The following IL17RB variants were observed in gnomAD, a reference collection of about 807,000 sequenced individuals.
The protein encoded by IL17RB is interleukin 17 receptor B.
In IL17RB, 36 loss-of-function variants were observed where a neutral mutation model predicts 43.9. The observed-to-expected ratio is 0.82, with a 90% CI of 0.63 to 1.08. IL17RB has a LOEUF of 1.08. Among genes scored for constraint, IL17RB ranks in the 50% least tolerant of loss-of-function variants. IL17RB has a pLI of 0.00. For missense variants in IL17RB, 613 were observed against 613.6 expected, an observed-to-expected ratio of 1.00 and a Z score of 0.01; for synonymous variants, 225 against 225.4, an observed-to-expected ratio of 1.00 and a Z score of 0.02.
chr3:53,850,841 G>A (rs997235780), intron 3 of IL17RB, among the ~76,000 whole-genome samples: 2 of 152,046 alleles, frequency 1.3e-5, no homozygotes, highest in Admixed American at 6.6e-5. Context: ...TCAGGGTAGT[G>A]GTTCCTGCTG....
rs951895189 is a variant in IL17RB at position 53,851,260 on chromosome 3, G to C, written c.227-739G>C. On this transcript the variant is annotated intron_variant, in intron 3 of 10. Transcript: ENST00000288167. Reference sequence around the variant, plus strand: ...ATGAGTGCCAGGCACAGAGAGAGGAGTCACCTACAGTCTCCACCCAGGAGG... The same window carrying C: ...ATGAGTGCCAGGCACAGAGAGAGGACTCACCTACAGTCTCCACCCAGGAGG... 5.1e-4 allele frequency among the ~76,000 whole-genome samples: 78 copies of C among 152,274 alleles called. 2 individuals are homozygous for C. Among genetic ancestry groups the C allele is most frequent in the South Asian group, 6.2e-4 (3 of 4,816 alleles).
intron 10 of IL17RB, among the ~76,000 whole-genome samples, chr3:53,863,026 A>G (rs923499513): frequency 3.3e-5 from 5 of 152,202 alleles, no homozygotes; most frequent in East Asian, 1.9e-4. Context: ...TGACAAGAAT[A>G]AAGACCTTTC....
intron 3 of IL17RB, among the ~76,000 whole-genome samples, chr3:53,850,902 T>C (rs1159222886): frequency 1.3e-5 from 2 of 152,222 alleles, no homozygotes; most frequent in Non-Finnish European, 2.9e-5. Flanking sequence ...AGGGAGTTTC[T>C]TAACCTGCAT....
Position 53,865,084 on chromosome 3 carries a change from C to A in IL17RB, c.1285C>A (p.Leu429Ile). 1 of 1,614,102 alleles carries A rather than the reference C, an allele frequency of 6.2e-7. No homozygotes were observed. Among genetic ancestry groups the A allele is most frequent in the Non-Finnish European group, 8.5e-7 (1 of 1,179,948 alleles). The change falls in exon 11 of 11, where the codon CTT becomes ATT. Residue 429 changes from leucine (L) to isoleucine (I), a missense_variant. Leu to Ile is a conservative substitution (Grantham distance 5). Transcript: ENST00000288167. Reference sequence around the variant, plus strand: ...AGACCTCTTCCCCCTTGCCTTTAACCTTTTCTGCAGTGATCTAAGAAGCCA... The same window carrying A: ...AGACCTCTTCCCCCTTGCCTTTAACATTTTCTGCAGTGATCTAAGAAGCCA... ...SQDLFPLAFN[L>I]FCSDLRSQIH...
intron 10 of IL17RB, among the ~76,000 whole-genome samples, chr3:53,862,892 G>T (rs1474432231): frequency 6.6e-6 from 1 of 152,174 alleles, no homozygotes; most frequent in African/African-American, 2.4e-5. Flanking sequence ...ATGTCTTTCT[G>T]TAAAGTTACA....
Position 53,864,761 on chromosome 3 carries a change from C to T in IL17RB, c.962C>T (p.Thr321Ile). 1 of 1,608,002 alleles carries T rather than the reference C, an allele frequency of 6.2e-7. No homozygotes were observed. Among genetic ancestry groups the T allele is most frequent in the Non-Finnish European group, 8.5e-7 (1 of 1,177,228 alleles). The part of the protein sequence containing the change: ...LMWRHERIKK[T>I]SFSTTTLLPP... ...CCTCTCACAGAAAGGATCAAGAAGA[C>T]TTCCTTTTCTACCACCACACTACTG... The change falls in exon 11 of 11, where the codon ACT (threonine) becomes ATT (isoleucine). Residue 321 changes from threonine to isoleucine, a missense_variant. Transcript: ENST00000288167.
intron 7 of IL17RB, 80 bp downstream of exon 7, chr3:53,857,066 C>A: frequency 6.8e-7 from 1 of 1,463,992 alleles, no homozygotes; most frequent in Non-Finnish European, 9.5e-7. Context: ...CAGTGTTGTC[C>A]AAACGTGCTG....
intron 5 of IL17RB, 27 bp from the exon 6 acceptor site, chr3:53,855,267 T>C (rs1398287136): frequency 1.3e-6 from 2 of 1,556,250 alleles, no homozygotes; most frequent in Admixed American, 3.4e-5. Flanking sequence ...TTTTCTAAAA[T>C]GTAAAAACTT....
chr3:53,862,707 C>T (rs1313308811), intron 10 of IL17RB, among the ~76,000 whole-genome samples: 2 of 152,116 alleles, frequency 1.3e-5, no homozygotes, highest in Admixed American at 6.5e-5. Flanking sequence ...GAAAACAAAT[C>T]GACATTAAAC....
Position 53,846,622 on chromosome 3 carries a change from T to TGCAGGC in IL17RB, c.39_40insCGCAGG (p.Arg13_Ser14insArgArg). The stretch of plus-strand genomic sequence containing the variant: ...CGTGCTGCTAAGCCTGGCCGCGCTG[T>TGCAGGC]GCAGGAGCGCCGTACCCCGAGAGCC... On this transcript the variant is annotated inframe_insertion, in exon 1 of 11. Coordinates refer to ENST00000288167, the MANE Select transcript of IL17RB (RefSeq NM_018725.4). The TGCAGGC allele has an allele frequency of 1.3e-6, 2 of 1,593,772 alleles. No individual in the cohort carries two copies. The highest frequency in any genetic ancestry group is 8.5e-7 in the Non-Finnish European group (1 of 1,173,326).
At chr3:53,846,677 A>G in intron 1 of IL17RB, 29 bp downstream of exon 1, 1 of 1,568,784 alleles carries the variant, frequency 6.4e-7, no homozygotes. Context: ...CTCTTCCCTC[A>G]TCTCCCGGCC....
chr3:53,860,648 G>A (rs1699530562), intron 10 of IL17RB: 1 of 153,016 alleles, frequency 6.5e-6, no homozygotes, highest in Admixed American at 6.5e-5. Context: ...GGTTTGGACT[G>A]CGCAGAGCCA....
chr3:53,862,044 A>G (rs1416166801), intron 10 of IL17RB, among the ~76,000 whole-genome samples: 1 of 152,188 alleles, frequency 6.6e-6, no homozygotes, highest in Non-Finnish European at 1.5e-5. Context: ...TTTTGGTTGT[A>G]CAATAAGAAG....
Position 53,864,842 on chromosome 3 carries a change from TTTG to T in IL17RB, c.1046_1048del (p.Cys349del). 1 of 1,614,146 alleles carries T rather than the reference TTTG, an allele frequency of 6.2e-7. No individual in the cohort carries two copies. Among genetic ancestry groups the T allele is most frequent in the Non-Finnish European group, 8.5e-7 (1 of 1,179,964 alleles). On this transcript the variant is annotated inframe_deletion, in exon 11 of 11. Coordinates refer to ENST00000288167, the MANE Select transcript of IL17RB (RefSeq NM_018725.4). ...TCTGAAATATGTTTCCATCACACAA[TTTG>T]TTACTTCACTGAATTTCTTCAAAAC...
Position 53,855,339 on chromosome 3 carries a change from C to T in IL17RB, c.527C>T (p.Ala176Val), listed in dbSNP as rs1298426755. 2 of 1,599,558 alleles carry T rather than the reference C, an allele frequency of 1.3e-6. No homozygotes were observed. The highest frequency in any genetic ancestry group is 2.2e-5 in the South Asian group (2 of 90,382). ...AAATATAAAAAAAAGTGTGTCAAGG[C>T]CGGTAAGTAAATACGGCATTTGCTT... Reference protein sequence around the residue: ...IMKYKKKCVKAGSLWDPNITA... With the variant: ...IMKYKKKCVKVGSLWDPNITA... The change falls in exon 6 of 11, where the codon GCC (alanine) becomes GTC (valine). Residue 176 changes from alanine to valine, a missense_variant and splice_region_variant. Transcript: ENST00000288167.
intron 3 of IL17RB, among the ~76,000 whole-genome samples, chr3:53,850,253 T>C (rs1478090999): frequency 6.6e-6 from 1 of 152,182 alleles, no homozygotes; most frequent in Non-Finnish European, 1.5e-5. Context: ...TCCCAGCACT[T>C]TGGGAGGCCG....
Position 53,849,656 on chromosome 3 carries a change from G to A in IL17RB, c.87G>A (p.Gly29=). Residue 29 remains glycine (G), a splice_region_variant and synonymous_variant, in exon 3 of 11, where the codon GGG becomes GGA. Transcript: ENST00000288167. Reference sequence around the variant, plus strand: ...CATGGAAGTCTTGCTTTTTCCCAGGGCCATCTCCAGAGTGGATGCTACAAC... The same window carrying A: ...CATGGAAGTCTTGCTTTTTCCCAGGACCATCTCCAGAGTGGATGCTACAAC... The part of the protein sequence containing the change: ...EPTVQCGSET[G]PSPEWMLQHD... The A allele has an allele frequency of 1.3e-6, 2 of 1,596,528 alleles. No homozygotes were observed. Among genetic ancestry groups the A allele is most frequent in the Admixed American group, 1.7e-5 (1 of 57,924 alleles).
At chr3:53,848,320 T>C (rs1466725027) in intron 1 of IL17RB, among the ~76,000 whole-genome samples, 2 of 152,178 alleles carry the variant, frequency 1.3e-5, no homozygotes, top group African/African-American at 4.8e-5. Context: ...GAGTTAAACA[T>C]TAGAGTGTGA....
chr3:53,849,737 T>C lies in IL17RB; in HGVS notation c.168T>C (p.Ser56=). 1.2e-6 allele frequency: 2 copies of C among 1,612,028 alleles called. No individual in the cohort carries two copies. The highest frequency in any genetic ancestry group is 1.7e-6 in the Non-Finnish European group (2 of 1,178,540). ...TCCGAGTAGAACCTGTTACAACTAGTGTTGCAACAGGGGACTATTCAATTT... is the reference window on the plus strand; with the variant it reads ...TCCGAGTAGAACCTGTTACAACTAGCGTTGCAACAGGGGACTATTCAATTT... The part of the protein sequence containing the change: ...RDLRVEPVTT[S]VATGDYSILM... The change falls in exon 3 of 11, where the codon AGT becomes AGC. Residue 56 remains serine, a synonymous_variant. Transcript: ENST00000288167.
Sources: gnomAD v4.1 joint callset for allele counts (sites outside exome capture counted in the v4.1 genomes callset) on GRCh38, gnomAD v4.1.1 for gene constraint, MANE v1.5 for transcripts, NCBI Gene and HGNC (gene_info 2026-07-23, HGNC 2026-07-21) for gene names.